PCDHGB4: variants seen among roughly 807,000 people sequenced by gnomAD.
The protein encoded by PCDHGB4 is protocadherin gamma-B4.
A neutral mutation model predicts 60.5 loss-of-function variants in PCDHGB4; 38 were observed. The observed-to-expected ratio is 0.63, with a 90% CI of 0.48 to 0.82. The LOEUF is 0.82. Ranked by LOEUF, PCDHGB4 falls within the 40% of genes least tolerant of loss-of-function variation. The pLI is 0.00. For synonymous variants in PCDHGB4, 456 were observed against 509.7 expected, an observed-to-expected ratio of 0.89 and a Z score of 1.42; for missense variants, 1,109 against 1,209.6, an observed-to-expected ratio of 0.92 and a Z score of 1.23.
intron 3 of PCDHGB4, among the ~76,000 whole-genome samples, chr5:141,508,629 T>C (rs934648689): frequency 6.6e-6 from 1 of 152,054 alleles, no homozygotes; most frequent in Non-Finnish European, 1.5e-5. Context: ...GGGCCGAGCT[T>C]CTAGCTACTC....
chr5:141,441,954 C>T, intron 1 of PCDHGB4: 1 of 319,608 alleles, frequency 3.1e-6, no homozygotes, highest in Non-Finnish European at 6.0e-6. Context: ...TGCAGGCCAG[C>T]AAGCCCAGGC....
At position 141,486,061 on chromosome 5, in the gene PCDHGB4, C is replaced by T. The variant is rs1280895997; in HGVS notation, c.2398-8746C>T. 2 of 1,614,166 alleles carry T rather than the reference C, an allele frequency of 1.2e-6. No individual in the cohort carries two copies. Among genetic ancestry groups the T allele is most frequent in the South Asian group, 1.1e-5 (1 of 91,078 alleles). On this transcript the variant is annotated intron_variant, in intron 1 of 3. Coordinates refer to ENST00000519479, the MANE Select transcript of PCDHGB4 (RefSeq NM_003736.4). The surrounding 1 kb of genome is among the most constrained non-coding windows in gnomAD (Gnocchi z 5.0). ...GTGTAAGAAACCTCTTTAGCCTGCA[C>T]CCCACTACTGGAAAGCTTACTCTTT...
At chr5:141,427,378 C>T in intron 1 of PCDHGB4, 1 of 458,520 alleles carries the variant, frequency 2.2e-6, no homozygotes, top group Non-Finnish European at 4.4e-6. Context: ...ACGGTGATCA[C>T]TCTGTTCAAA....
chr5:141,442,119 C>T (rs563017984), intron 1 of PCDHGB4: 1 of 166,262 alleles, frequency 6.0e-6, no homozygotes, highest in African/African-American at 2.4e-5. Context: ...CCCCTCGTCG[C>T]CGACAGCCTG....
In PCDHGB4 at chr5:141,511,007, G is replaced by C. The variant is rs780918754; in HGVS notation, c.2606G>C (p.Arg869Pro). Residue 869 changes from arginine to proline, a missense_variant, in exon 4 of 4, where the codon CGC (arginine) becomes CCC (proline). Physicochemically the swap from Arg to Pro is moderately radical, Grantham distance 103. Coordinates refer to ENST00000519479, the MANE Select transcript of PCDHGB4 (RefSeq NM_003736.4). Reference protein sequence around the residue: ...GGAGTMGLSARYGPQFTLQHV... With the variant: ...GGAGTMGLSAPYGPQFTLQHV... ...GCCGGCACCATGGGATTGAGCGCCC[G>C]CTACGGACCCCAGTTCACCCTGCAG... The C allele has an allele frequency of 1.9e-6, 3 of 1,614,042 alleles. No homozygotes were observed. The highest frequency in any genetic ancestry group is 2.7e-5 in the African/African-American group (2 of 74,910).
At chr5:141,392,131 T>C (rs1434001990) in intron 1 of PCDHGB4, 2 of 152,204 alleles carry the variant, frequency 1.3e-5, no homozygotes, top group African/African-American at 4.8e-5. Flanking sequence ...TGTAAAATGA[T>C]TAAGTAGTTT....
chr5:141,410,329 G>A, intron 1 of PCDHGB4: 4 of 1,613,982 alleles, frequency 2.5e-6, no homozygotes, highest in Non-Finnish European at 3.4e-6. Flanking sequence ...CCGTGATTCT[G>A]GCCATTGCCT....
chr5:141,434,894 C>T (rs1316284716), intron 1 of PCDHGB4, among the ~76,000 whole-genome samples: 1 of 143,118 alleles, frequency 7.0e-6, no homozygotes, highest in East Asian at 2.1e-4. Flanking sequence ...AATCCAGTCC[C>T]CTTCCCTCAT....
chr5:141,462,423 G>A (rs1367388191), intron 1 of PCDHGB4, among the ~76,000 whole-genome samples: 1 of 151,820 alleles, frequency 6.6e-6, no homozygotes, highest in East Asian at 1.9e-4. Context: ...GTCTATCTTG[G>A]TGAGTGTTGC....
At position 141,390,587 on chromosome 5, in the gene PCDHGB4, A is replaced by G. The variant is rs1043489470; in HGVS notation, c.2397+306A>G. The G allele has an allele frequency of 4.1e-5, 14 of 340,484 alleles. No homozygotes were observed. The Admixed American group carries it at 6.3e-4, about 15-fold the overall frequency. The allele number at this position is 340,484 out of a possible 1,614,324, so 21.1% of individuals were successfully genotyped here. A position where few individuals can be genotyped will look rare whatever the true frequency, so the allele number is the denominator to read the frequency against. Reference sequence around the variant, plus strand: ...TTGGCTCTCTCCTAAAAAGTGAATGAGATTTTTCCTATACATTTTCCTTCT... The same window carrying G: ...TTGGCTCTCTCCTAAAAAGTGAATGGGATTTTTCCTATACATTTTCCTTCT... On this transcript the variant is annotated intron_variant, in intron 1 of 3. Transcript: ENST00000519479.
intron 1 of PCDHGB4, chr5:141,423,869 T>A (rs1239422805): frequency 5.4e-6 from 7 of 1,285,484 alleles, no homozygotes; most frequent in Non-Finnish European, 6.9e-6. Flanking sequence ...TGAAAGTCAT[T>A]TTTCAATCTT....
chr5:141,403,875 A>G (rs1311532081), intron 1 of PCDHGB4: 1 of 1,613,816 alleles, frequency 6.2e-7, no homozygotes, highest in South Asian at 1.1e-5. Context: ...AAAAGTCTAG[A>G]TTATGAAGAA....
chr5:141,409,725 G>A (rs1416188591), intron 1 of PCDHGB4: 1 of 1,613,172 alleles, frequency 6.2e-7, no homozygotes, highest in Non-Finnish European at 8.5e-7. Context: ...GTGTCAGTGA[G>A]CGCGCAGAGC....
At chr5:141,426,174 G>A (rs1213063298) in intron 1 of PCDHGB4, 1 of 155,354 alleles carries the variant, frequency 6.4e-6, no homozygotes, top group Non-Finnish European at 1.4e-5. Flanking sequence ...ACGGATTGGG[G>A]TGCCCTCAAA....
intron 1 of PCDHGB4, chr5:141,478,531 C>T (rs771145308): frequency 1.9e-6 from 3 of 1,608,190 alleles, no homozygotes; most frequent in Non-Finnish European, 2.5e-6. Flanking sequence ...GTGCAGAGAG[C>T]GCCCCTCCCG....
intron 1 of PCDHGB4, among the ~76,000 whole-genome samples, chr5:141,442,789 T>C (rs2098343347): frequency 6.6e-6 from 1 of 152,196 alleles, no homozygotes; most frequent in African/African-American, 2.4e-5. Flanking sequence ...ATTTTATAAT[T>C]TTACTTTGAT....
intron 1 of PCDHGB4, chr5:141,414,738 C>A: frequency 6.2e-7 from 1 of 1,614,238 alleles, no homozygotes; most frequent in Non-Finnish European, 8.5e-7. Context: ...TGTATGCACT[C>A]AGATCCTTCG....
At chr5:141,503,598 C>CAAA (rs765754054) in intron 2 of PCDHGB4, among the ~76,000 whole-genome samples, 1 of 65,748 alleles carries the variant, frequency 1.5e-5, no homozygotes. Context: ...GACTCCAGCT[C>CAAA]AAAAAAAAAA....
chr5:141,400,462 G>T lies in PCDHGB4; in HGVS notation c.2397+10181G>T, dbSNP rs141917215. 2.3e-4 allele frequency: 379 copies of T among 1,614,062 alleles called. 2 individuals carry two copies. The African/African-American group carries it at 4.7e-3, about 20-fold the overall frequency. The stretch of plus-strand genomic sequence containing the variant: ...TTCAGGACAAGACATACTTTGTGGT[G>T]ATTCATCTGGGGCCTTATTTCCACT... On this transcript the variant is annotated intron_variant, in intron 1 of 3. Transcript: ENST00000519479.
Sources: allele counts gnomAD v4.1 joint callset (sites outside exome capture counted in the v4.1 genomes callset), GRCh38; gene constraint gnomAD v4.1.1; non-coding constraint Gnocchi (gnomAD v3.1); transcripts MANE v1.5; gene names NCBI Gene and HGNC (gene_info 2026-07-23, HGNC 2026-07-21).